HSD17B4: variants seen among roughly 807,000 people sequenced by gnomAD.
HSD17B4 encodes the protein peroxisomal multifunctional enzyme type 2.
HSD17B4 carries 70 observed loss-of-function variants against 101.0 expected under a neutral mutation model. The observed-to-expected ratio is 0.69, with a 90% CI of 0.57 to 0.85. The LOEUF (loss-of-function observed/expected upper bound fraction) is 0.85. HSD17B4 is among the 40% of genes least tolerant of loss of function. The pLI is 0.00. For missense variants in HSD17B4, 984 were observed against 892.4 expected (o/e 1.10, Z -1.31); for synonymous variants, 347 against 297.1 (o/e 1.17, Z -1.73).
intron 16 of HSD17B4, among the ~76,000 whole-genome samples, chr5:119,514,412 G>A (rs1452509395): frequency 1.3e-5 from 2 of 152,092 alleles, no homozygotes; most frequent in Non-Finnish European, 2.9e-5. Context: ...TTAGCTACTT[G>A]AATTTTTTAT....
chr5:119,455,560 C>CTATATA (rs1358383041), intron 1 of HSD17B4, among the ~76,000 whole-genome samples: 17 of 132,812 alleles, frequency 1.3e-4, no homozygotes, highest in African/African-American at 4.4e-4. Flanking sequence ...CTCTCTCTCT[C>CTATATA]TCTCTCTCTA....
chr5:119,459,656 ACT>A (rs1755016186), intron 2 of HSD17B4, among the ~76,000 whole-genome samples: 1 of 151,950 alleles, frequency 6.6e-6, no homozygotes, highest in East Asian at 1.9e-4. Context: ...TCTGGTGGGG[ACT>A]CTGTAGAGTC....
intron 19 of HSD17B4, 91 bp from the exon 20 acceptor site, chr5:119,527,042 G>A (rs1171713809): frequency 5.8e-6 from 4 of 690,626 alleles, no homozygotes; most frequent in Non-Finnish European, 1.0e-5. Flanking sequence ...TTTTTCTTTT[G>A]TGCTCTCTAG....
chr5:119,470,925 T>C (rs1192929021), intron 2 of HSD17B4, among the ~76,000 whole-genome samples: 1 of 152,222 alleles, frequency 6.6e-6, no homozygotes, highest in African/African-American at 2.4e-5. Context: ...AGAGATTTGT[T>C]TGAGATAAAT....
At chr5:119,494,876 T>A (rs1750487675) in intron 11 of HSD17B4, among the ~76,000 whole-genome samples, 1 of 152,164 alleles carries the variant, frequency 6.6e-6, no homozygotes, top group South Asian at 2.1e-4. Flanking sequence ...AGTCAGATTA[T>A]TTTTTTCTAG....
intron 22 of HSD17B4, 89 bp downstream of exon 22, chr5:119,531,493 G>GATT: frequency 7.5e-7 from 1 of 1,334,470 alleles, no homozygotes; most frequent in Non-Finnish European, 1.1e-6. Context: ...TTGAAGGTAG[G>GATT]TAAATCTTAC....
At chr5:119,509,071 C>T in intron 15 of HSD17B4, 70 bp from the exon 16 acceptor site, 1 of 846,468 alleles carries the variant, frequency 1.2e-6, no homozygotes, top group Non-Finnish European at 2.0e-6. Flanking sequence ...AATTGTTGAA[C>T]CTATCTTGGT....
chr5:119,524,960 A>T (rs1391225823), intron 17 of HSD17B4, among the ~76,000 whole-genome samples: 1 of 152,096 alleles, frequency 6.6e-6, no homozygotes, highest in African/African-American at 2.4e-5. Context: ...GGTAGTAGTA[A>T]CAGTGTTTTA....
At chr5:119,479,247 T>C (rs558991365) in intron 8 of HSD17B4, among the ~76,000 whole-genome samples, 2 of 152,276 alleles carry the variant, frequency 1.3e-5, no homozygotes, top group South Asian at 4.1e-4. Flanking sequence ...TTCATTCTTT[T>C]TCTCTGCATA....
At chr5:119,495,250 T>C (rs1750524404) in intron 11 of HSD17B4, among the ~76,000 whole-genome samples, 1 of 152,160 alleles carries the variant, frequency 6.6e-6, no homozygotes, top group Non-Finnish European at 1.5e-5. Flanking sequence ...TAGGAAAAAC[T>C]TTCCTCTGAT....
intron 6 of HSD17B4, chr5:119,476,755 G>A (rs990549128): frequency 3.1e-6 from 3 of 961,104 alleles, no homozygotes; most frequent in Non-Finnish European, 2.5e-6. Flanking sequence ...ATCCTACTAA[G>A]CCACTACTCC....
At chr5:119,469,285 C>T (rs76672693) in intron 2 of HSD17B4, among the ~76,000 whole-genome samples, 6,224 of 149,596 alleles carry the variant, frequency 0.042, 425 homozygotes, top group African/African-American at 0.14. Flanking sequence ...TTGTGTTTCC[C>T]TGTTTTTCCA....
At chr5:119,490,161 C>CA (rs1033292662) in intron 9 of HSD17B4, among the ~76,000 whole-genome samples, 19 of 151,388 alleles carry the variant, frequency 1.3e-4, no homozygotes, top group African/African-American at 3.9e-4. Context: ...TAAGTTAAGA[C>CA]AAAAAAAACA....
At chr5:119,505,885 G>A (rs1245044716) in intron 14 of HSD17B4, among the ~76,000 whole-genome samples, 2 of 152,004 alleles carry the variant, frequency 1.3e-5, no homozygotes, top group African/African-American at 4.8e-5. Context: ...ACACCAAGAG[G>A]AGTCCTTGAC....
intron 2 of HSD17B4, among the ~76,000 whole-genome samples, chr5:119,460,857 A>T (rs998138312): frequency 3.3e-4 from 50 of 152,350 alleles, no homozygotes; most frequent in African/African-American, 1.2e-3. Flanking sequence ...AGACTGCAGG[A>T]AGTGAAGGAG....
chr5:119,525,279 C>G lies in HSD17B4; in HGVS notation c.1567C>G (p.Leu523Val). Residue 523 changes from leucine (L) to valine (V), a missense_variant, in exon 18 of 24, where the codon CTA becomes GTA. Physicochemically the swap from Leu to Val is conservative, Grantham distance 32. Coordinates refer to ENST00000510025, the MANE Select transcript of HSD17B4 (RefSeq NM_000414.4). The stretch of plus-strand genomic sequence containing the variant: ...ACACATTGATCCTAACTTTGCTAGT[C>G]TAGCAGGTGAGTTGTCTTTAATATG... The part of the protein sequence containing the change: ...PLHIDPNFAS[L>V]AGFDKPILHG... 2 of 1,604,360 alleles carry G rather than the reference C, an allele frequency of 1.2e-6. No homozygotes were observed. Among genetic ancestry groups the G allele is most frequent in the Non-Finnish European group, 1.7e-6 (2 of 1,171,504 alleles).
At chr5:119,537,671 C>G (rs1580726232) in intron 23 of HSD17B4, among the ~76,000 whole-genome samples, 1 of 152,250 alleles carries the variant, frequency 6.6e-6, no homozygotes, top group East Asian at 1.9e-4. Context: ...AAGGGTTACA[C>G]AGTAAATATT....
intron 4 of HSD17B4, among the ~76,000 whole-genome samples, chr5:119,475,134 C>T (rs1263629805): frequency 1.3e-5 from 2 of 151,996 alleles, no homozygotes; most frequent in Non-Finnish European, 2.9e-5. Context: ...TCATAAGAAC[C>T]ATGTTCACAT....
chr5:119,477,368 A>G (rs761795188), intron 6 of HSD17B4, 49 bp from the exon 7 acceptor site: 7 of 1,240,596 alleles, frequency 5.6e-6, no homozygotes, highest in South Asian at 2.5e-5. Context: ...ATTCTTAGAC[A>G]TGCCTAAGTT....
Sources: gnomAD v4.1 joint callset for allele counts (sites outside exome capture counted in the v4.1 genomes callset) on GRCh38, gnomAD v4.1.1 for gene constraint, MANE v1.5 for transcripts, NCBI Gene and HGNC (gene_info 2026-07-23, HGNC 2026-07-21) for gene names.